The following LAMA1 variants were observed in gnomAD, a reference collection of about 807,000 sequenced individuals.
The protein encoded by LAMA1 is laminin subunit alpha-1.
LAMA1 carries 219 observed loss-of-function variants against 348.7 expected under a neutral mutation model. The observed-to-expected ratio is 0.63, with a 90% CI of 0.56 to 0.70. The LOEUF (loss-of-function observed/expected upper bound fraction) is 0.70, where lower values mean the gene tolerates loss of function less well. LAMA1 is among the 30% of genes least tolerant of loss of function. The pLI is 0.00. For missense variants in LAMA1, 3,744 were observed against 3,888.0 expected (o/e 0.96, Z 0.99); for synonymous variants, 1,487 against 1,491.0 (o/e 1.00, Z 0.06).
chr18:6,982,737 G>A, intron 40 of LAMA1, 147 bp from the exon 41 acceptor site: 1 of 745,058 alleles, frequency 1.3e-6, no homozygotes, highest in South Asian at 1.5e-5. Context: ...AATTTAAAAT[G>A]GCTGAGGCAA....
At chr18:7,029,207 T>C (rs4798528) in intron 16 of LAMA1, among the ~76,000 whole-genome samples, 75,922 of 152,008 alleles carry the variant, frequency 0.5, 22,045 homozygotes, top group African/African-American at 0.81. Context: ...TAGACTCTGG[T>C]TCAGGGGATC....
At chr18:6,988,452 T>C (rs1466162346) in intron 36 of LAMA1, among the ~76,000 whole-genome samples, 2 of 152,184 alleles carry the variant, frequency 1.3e-5, no homozygotes, top group Non-Finnish European at 2.9e-5. Flanking sequence ...AGACCTGCAG[T>C]ACAGAACTTG....
intron 33 of LAMA1, among the ~76,000 whole-genome samples, chr18:6,995,757 T>C (rs2057778611): frequency 6.6e-6 from 1 of 152,230 alleles, no homozygotes; most frequent in Non-Finnish European, 1.5e-5. Context: ...GTCACACAAA[T>C]TTAACTATAA....
At chr18:6,970,621 T>C (rs1333935104) in intron 48 of LAMA1, among the ~76,000 whole-genome samples, 1 of 151,472 alleles carries the variant, frequency 6.6e-6, no homozygotes, top group Non-Finnish European at 1.5e-5. Flanking sequence ...AAACCTCTGG[T>C]CCTAACTTTT....
intron 1 of LAMA1, among the ~76,000 whole-genome samples, chr18:7,107,828 C>A (rs186139646): frequency 1.3e-5 from 2 of 151,236 alleles, no homozygotes; most frequent in Non-Finnish European, 2.9e-5. Flanking sequence ...TCCTGGCTAC[C>A]ATGGTGAAAC....
intron 16 of LAMA1, among the ~76,000 whole-genome samples, chr18:7,031,832 A>G (rs2057970535): frequency 6.6e-6 from 1 of 151,788 alleles, no homozygotes; most frequent in South Asian, 2.1e-4. Context: ...AAAGAACTAT[A>G]ATGAAGTTGT....
Position 6,943,314 on chromosome 18 carries a change from T to C in LAMA1, c.8933A>G (p.His2978Arg), listed in dbSNP as rs940870890. 2 of 1,614,096 alleles carry C rather than the reference T, an allele frequency of 1.2e-6. No homozygotes were observed. Among genetic ancestry groups the C allele is most frequent in the African/African-American group, 2.7e-5 (2 of 74,928 alleles). ...TTTGCTTTTGTTAGCTTGAAGAGTG[T>C]GCCATTTTCCATCACAGAGCACAGT... ...TATVLCDGKWHTLQANKSKHR... is the reference protein window; with the variant it reads ...TATVLCDGKWRTLQANKSKHR... The change falls in exon 62 of 63, where the codon CAC becomes CGC. Residue 2978 changes from histidine (H) to arginine (R), a missense_variant. His to Arg is a conservative substitution (Grantham distance 29). Around this residue, in one of 3 missense-constraint regions of LAMA1, gnomAD observed 232 missense variants for 264.4 expected, o/e 0.88. Coordinates refer to ENST00000389658, the MANE Select transcript of LAMA1 (RefSeq NM_005559.4).
intron 3 of LAMA1, among the ~76,000 whole-genome samples, chr18:7,069,490 A>C (rs2058137263): frequency 6.6e-6 from 1 of 152,082 alleles, no homozygotes. Context: ...CCTCCGGTTG[A>C]CGGGTGAGGC....
intron 48 of LAMA1, among the ~76,000 whole-genome samples, chr18:6,969,677 A>C (rs772119334): frequency 9.9e-5 from 15 of 152,194 alleles, no homozygotes; most frequent in Non-Finnish European, 1.8e-4. Flanking sequence ...ATGTGGTTCT[A>C]CTACTCAGCT....
intron 50 of LAMA1, 85 bp downstream of exon 50, chr18:6,965,203 T>C: frequency 1.3e-6 from 2 of 1,529,232 alleles, no homozygotes; most frequent in Admixed American, 3.3e-5. Flanking sequence ...AGGAAACTAC[T>C]GTGGAAAAAA....
intron 1 of LAMA1, among the ~76,000 whole-genome samples, chr18:7,105,517 A>C: frequency 6.6e-6 from 1 of 152,168 alleles, no homozygotes; most frequent in African/African-American, 2.4e-5. Context: ...CAGTAGGTGA[A>C]TAAAGACAGC....
intron 3 of LAMA1, among the ~76,000 whole-genome samples, chr18:7,075,968 A>G (rs1038262985): frequency 2.0e-5 from 3 of 152,106 alleles, no homozygotes; most frequent in African/African-American, 7.2e-5. Flanking sequence ...TCCATAATGC[A>G]ATTATTGACT....
Position 7,080,281 on chromosome 18 carries a change from A to C in LAMA1, c.232+6T>G, listed in dbSNP as rs935167545. On this transcript the variant is annotated splice_donor_region_variant and intron_variant, in intron 2 of 62. Transcript: ENST00000389658. ...GGAATTTCAGAAATAAAGGCGCGAC[A>C]CTTGCCTCTGGGGTTTGCGCTGTTG... 1 of 1,614,040 alleles carries C rather than the reference A, an allele frequency of 6.2e-7. No individual in the cohort carries two copies. Among genetic ancestry groups the C allele is most frequent in the African/African-American group, 1.3e-5 (1 of 74,940 alleles).
intron 48 of LAMA1, among the ~76,000 whole-genome samples, chr18:6,969,949 G>A (rs115069326): frequency 0.014 from 2,170 of 152,254 alleles, 62 homozygotes; most frequent in African/African-American, 0.049. Context: ...TAGAGGATAT[G>A]GTCACAGGTA....
At chr18:7,102,239 ATT>A (rs1485629629) in intron 1 of LAMA1, among the ~76,000 whole-genome samples, 1 of 152,178 alleles carries the variant, frequency 6.6e-6, no homozygotes, top group African/African-American at 2.4e-5. Context: ...AGAATGGGCC[ATT>A]CTTTTGTTTA....
intron 3 of LAMA1, among the ~76,000 whole-genome samples, chr18:7,058,524 C>T (rs190980483): frequency 1.8e-4 from 27 of 152,196 alleles, no homozygotes; most frequent in Non-Finnish European, 8.8e-5. Flanking sequence ...CTGTATCTGG[C>T]GATAGGCTCT....
rs770197477 is a variant in LAMA1 at position 7,009,364 on chromosome 18, A to G, written c.3876T>C (p.Asn1292=). 7 of 1,613,932 alleles carry G rather than the reference A, an allele frequency of 4.3e-6. No individual in the cohort carries two copies. Among genetic ancestry groups the G allele is most frequent in the Non-Finnish European group, 5.9e-6 (7 of 1,179,972 alleles). Residue 1292 remains asparagine (N), a splice_region_variant and synonymous_variant, in exon 27 of 63, where the codon AAT becomes AAC. Coordinates refer to ENST00000389658, the MANE Select transcript of LAMA1 (RefSeq NM_005559.4). ...AAACAGAGTTAAAATATTTCCAAAA[A>G]TTCTGTAGAATGAGAAACACATTCA... is the stretch of plus-strand genomic sequence containing the variant. The part of the protein sequence containing the change: ...RQEQEVAMRE[N]FWKYFNSVSE...
intron 32 of LAMA1, among the ~76,000 whole-genome samples, chr18:6,998,487 CA>C (rs1379764176): frequency 2.0e-5 from 3 of 152,194 alleles, no homozygotes; most frequent in Non-Finnish European, 4.4e-5. Context: ...TTCCCTTCCA[CA>C]GCCTGCTCTG....
chr18:6,999,561 G>C lies in LAMA1; in HGVS notation c.4547C>G (p.Ser1516Cys). Residue 1516 changes from serine (S) to cysteine (C), a missense_variant, in exon 32 of 63, where the codon TCT becomes TGT. This residue lies in a region of LAMA1 where 1,983 missense variants were observed against 1,934.3 expected (regional missense o/e 1.03). Coordinates refer to ENST00000389658, the MANE Select transcript of LAMA1 (RefSeq NM_005559.4). Reference sequence around the variant, plus strand: ...TGTGCGGTCACAGTCACCGTGGACAGAGCCGTGCGGGTTGCAGTCACACTT... The same window carrying C: ...TGTGCGGTCACAGTCACCGTGGACACAGCCGTGCGGGTTGCAGTCACACTT... ...CQKCDCNPHG[S>C]VHGDCDRTSG... The C allele has an allele frequency of 6.2e-7, 1 of 1,614,136 alleles. No homozygotes were observed. Among genetic ancestry groups the C allele is most frequent in the Middle Eastern group, 1.6e-4 (1 of 6,062 alleles).
Sources: allele counts gnomAD v4.1 joint callset (sites outside exome capture counted in the v4.1 genomes callset), GRCh38; gene constraint gnomAD v4.1.1; regional missense constraint gnomAD v4.1.1; transcripts MANE v1.5; gene names NCBI Gene and HGNC (gene_info 2026-07-23, HGNC 2026-07-21).